The following ARID1B variants were observed in gnomAD, a reference collection of about 807,000 sequenced individuals.
ARID1B encodes the protein AT-rich interaction domain 1B.
In ARID1B, 30 loss-of-function variants were observed where a neutral mutation model predicts 212.3. That is an observed-to-expected ratio of 0.14 (90% CI 0.11 to 0.19). The LOEUF is 0.19. Ranked by LOEUF, ARID1B falls within the 10% of genes least tolerant of loss-of-function variation. The pLI, the probability that ARID1B is intolerant of heterozygous loss-of-function variation, is 1.00. For synonymous variants in ARID1B, 1,402 were observed against 1,301.7 expected, an observed-to-expected ratio of 1.08 and a Z score of -1.66; for missense variants, 2,891 against 3,204.0, an observed-to-expected ratio of 0.90 and a Z score of 2.36.
At chr6:157,127,113 A>G (rs1243076868) in intron 6 of ARID1B, among the ~76,000 whole-genome samples, 1 of 152,254 alleles carries the variant, frequency 6.6e-6, no homozygotes, top group Admixed American at 6.5e-5. Context: ...CGAAATAAAT[A>G]TACTTGGAAA....
At chr6:156,971,591 G>A (rs1332898551) in intron 4 of ARID1B, among the ~76,000 whole-genome samples, 2 of 152,148 alleles carry the variant, frequency 1.3e-5, no homozygotes, top group Non-Finnish European at 2.9e-5. Flanking sequence ...AGGAATCTGG[G>A]CAGGCATACT....
intron 4 of ARID1B, among the ~76,000 whole-genome samples, chr6:156,968,314 A>G (rs1794913068): frequency 6.6e-6 from 1 of 152,234 alleles, no homozygotes; most frequent in South Asian, 2.1e-4. Flanking sequence ...GAGAGGAACA[A>G]TATTAGTGAT....
At chr6:157,088,900 G>A (rs1406124964) in intron 5 of ARID1B, among the ~76,000 whole-genome samples, 2 of 152,208 alleles carry the variant, frequency 1.3e-5, no homozygotes, top group East Asian at 3.9e-4. Context: ...TCAAACTGTC[G>A]AGCTATCTGT....
intron 3 of ARID1B, among the ~76,000 whole-genome samples, chr6:156,913,706 C>T (rs1255159546): frequency 2.0e-5 from 3 of 149,230 alleles, no homozygotes; most frequent in Non-Finnish European, 1.5e-5. Context: ...CGCCCCAGCC[C>T]GTGAGCCACC....
At position 157,203,884 on chromosome 6, in the gene ARID1B, G is replaced by A. The variant is rs544895806; in HGVS notation, c.5282G>A (p.Arg1761His). 34 of 1,614,154 alleles carry A rather than the reference G, an allele frequency of 2.1e-5. No individual in the cohort carries two copies. Among genetic ancestry groups the A allele is most frequent in the African/African-American group, 6.7e-5 (5 of 75,038 alleles). The change falls in exon 19 of 20, where the codon CGT becomes CAT. Residue 1761 changes from arginine to histidine, a missense_variant. This residue lies in a region of ARID1B where 666 missense variants were observed against 873.5 expected (regional missense o/e 0.76). Transcript: ENST00000636930. This position sits in a 1 kb window ranked among gnomAD's most constrained non-coding sequence, Gnocchi z 4.4. ...SKDIVTPEAW[R>H]VMMSLKSGLL... ...TCTTCAGTTACTCCTGAGGCGTGGC[G>A]TGTGATGATGTCCCTTAAATCAGGT...
At chr6:156,960,671 G>A (rs910417665) in intron 4 of ARID1B, among the ~76,000 whole-genome samples, 1 of 152,028 alleles carries the variant, frequency 6.6e-6, no homozygotes, top group African/African-American at 2.4e-5. Context: ...TCATTTTTAT[G>A]TACTTAAAGG....
chr6:156,819,947 T>TG (rs151276933), intron 1 of ARID1B, among the ~76,000 whole-genome samples: 2,414 of 152,096 alleles, frequency 0.016, 40 homozygotes, highest in East Asian at 0.086. Flanking sequence ...CTGGCAGAGA[T>TG]GGGGGGTCCC....
chr6:157,055,097 C>G (rs1782864684), intron 4 of ARID1B, among the ~76,000 whole-genome samples: 2 of 152,242 alleles, frequency 1.3e-5, no homozygotes. Flanking sequence ...AGCCACCTCA[C>G]CACTGAAGCC....
chr6:156,908,045 C>T (rs1174994972), intron 3 of ARID1B, among the ~76,000 whole-genome samples: 2 of 151,472 alleles, frequency 1.3e-5, no homozygotes, highest in African/African-American at 2.4e-5. Context: ...TTATCTTTAC[C>T]TTTTGTCTTA....
chr6:157,051,979 A>T lies in ARID1B; in HGVS notation c.2248-32683A>T, dbSNP rs535252323. Among the ~76,000 whole-genome samples, 38 of 152,276 alleles carry T rather than the reference A, an allele frequency of 2.5e-4. 1 individual carries two copies. The highest frequency in any genetic ancestry group is 7.5e-4 in the African/African-American group (31 of 41,546). On this transcript the variant is annotated intron_variant, in intron 4 of 19. Coordinates refer to ENST00000636930, the MANE Select transcript of ARID1B (RefSeq NM_001374828.1). ...TGCTTTATTTTAGTTTTGTCAATTT[A>T]ATTAATAGGTAATTATTTTGAAAAT...
intron 5 of ARID1B, among the ~76,000 whole-genome samples, chr6:157,097,161 A>G (rs1479606343): frequency 6.6e-6 from 1 of 152,228 alleles, no homozygotes; most frequent in Non-Finnish European, 1.5e-5. Context: ...ATTAGTTAGT[A>G]TAATCACAAA....
intron 2 of ARID1B, among the ~76,000 whole-genome samples, chr6:156,884,889 G>A (rs971034388): frequency 3.3e-5 from 5 of 152,192 alleles, no homozygotes; most frequent in South Asian, 2.1e-4. Flanking sequence ...TCTTGAGCTC[G>A]GGGAAGTCCT....
intron 5 of ARID1B, among the ~76,000 whole-genome samples, chr6:157,107,271 A>G (rs1339618259): frequency 6.6e-6 from 1 of 152,194 alleles, no homozygotes; most frequent in African/African-American, 2.4e-5. Context: ...GAAATGTGGG[A>G]TGATCCCAGA....
At chr6:157,128,960 G>C (rs1039493616) in intron 6 of ARID1B, among the ~76,000 whole-genome samples, 2 of 152,194 alleles carry the variant, frequency 1.3e-5, no homozygotes, top group African/African-American at 4.8e-5. Context: ...TTTATAATCT[G>C]TACACAGTTA....
chr6:157,061,231 T>G (rs780939193), intron 4 of ARID1B, among the ~76,000 whole-genome samples: 3 of 152,256 alleles, frequency 2.0e-5, no homozygotes, highest in African/African-American at 7.2e-5. Context: ...AGAGCCTGGC[T>G]GCATTTGAAT....
At position 156,778,198 on chromosome 6, in the gene ARID1B, C is replaced by A; in HGVS notation, c.518C>A (p.Ala173Asp). The A allele has an allele frequency of 4.6e-6, 7 of 1,538,188 alleles. No individual in the cohort carries two copies. The highest frequency in any genetic ancestry group is 6.1e-6 in the Non-Finnish European group (7 of 1,145,188). The change falls in exon 1 of 20, where the codon GCC (alanine) becomes GAC (aspartate). Residue 173 changes from alanine to aspartate, a missense_variant. This residue lies in a region of ARID1B where 1,643 missense variants were observed against 1,544.0 expected (regional missense o/e 1.06). Transcript: ENST00000636930. ...PHQQHHHHHH[A>D]HHHHHHAHHL... ...CAGCAGCACCACCACCACCACCATG[C>A]CCACCACCACCACCACCATGCCCAC...
At chr6:156,838,146 T>A (rs186283402) in intron 2 of ARID1B, among the ~76,000 whole-genome samples, 10 of 152,278 alleles carry the variant, frequency 6.6e-5, no homozygotes, top group Admixed American at 2.6e-4. Flanking sequence ...TTATTTTTTT[T>A]AAATAACTAC....
chr6:157,144,730 GCA>G (rs539858453), intron 7 of ARID1B, among the ~76,000 whole-genome samples: 23 of 152,328 alleles, frequency 1.5e-4, no homozygotes, highest in Admixed American at 1.4e-3. Context: ...CTACCAGGGT[GCA>G]CAGAAGGTGC....
intron 4 of ARID1B, among the ~76,000 whole-genome samples, chr6:157,003,251 G>A (rs1779009614): frequency 6.6e-6 from 1 of 152,200 alleles, no homozygotes; most frequent in Non-Finnish European, 1.5e-5. Context: ...GATTGGAAGG[G>A]ACCAGACTGG....
Sources: allele counts gnomAD v4.1 joint callset (sites outside exome capture counted in the v4.1 genomes callset), GRCh38; gene constraint gnomAD v4.1.1; regional missense constraint gnomAD v4.1.1; non-coding constraint Gnocchi (gnomAD v3.1); transcripts MANE v1.5; gene names NCBI Gene and HGNC (gene_info 2026-07-23, HGNC 2026-07-21).